Variants in AXL observed in about 807,000 individuals in gnomAD.
The protein encoded by AXL is tyrosine-protein kinase receptor UFO.
A neutral mutation model predicts 104.5 loss-of-function variants in AXL; 52 were observed. That is an observed-to-expected ratio of 0.50 (90% CI 0.40 to 0.63). The LOEUF (loss-of-function observed/expected upper bound fraction) is 0.63. Ranked by LOEUF, AXL falls within the 20% of genes least tolerant of loss-of-function variation. AXL has a pLI of 0.00. For missense variants in AXL, 1,024 were observed against 1,188.5 expected, an observed-to-expected ratio of 0.86 and a Z score of 2.04; for synonymous variants, 455 against 473.7, an observed-to-expected ratio of 0.96 and a Z score of 0.51.
At position 41,259,696 on chromosome 19, in the gene AXL, A is replaced by C. The variant is rs186884585; in HGVS notation, c.2477A>C (p.Glu826Ala). 7.4e-6 allele frequency: 12 copies of C among 1,614,094 alleles called. No homozygotes were observed. Among genetic ancestry groups the C allele is most frequent in the Admixed American group, 1.7e-5 (1 of 60,004 alleles). ...PDEILYVNMD[E>A]GGGYPEPPGA... ...GAAATCCTCTATGTCAACATGGATG[A>C]GGGTGGAGGTTATCCTGAACCCCCT... is the stretch of plus-strand genomic sequence containing the variant. The change falls in exon 20 of 20, where the codon GAG (glutamate) becomes GCG (alanine). Residue 826 changes from glutamate to alanine, a missense_variant. By Grantham distance (107) the Glu-to-Ala change is moderately radical. This residue lies in a region of AXL where 523 missense variants were observed against 636.0 expected (regional missense o/e 0.82). Coordinates refer to ENST00000301178, the MANE Select transcript of AXL (RefSeq NM_021913.5).
intron 4 of AXL, among the ~76,000 whole-genome samples, chr19:41,224,276 T>C (rs2033841727): frequency 1.3e-5 from 2 of 152,084 alleles, no homozygotes; most frequent in Non-Finnish European, 2.9e-5. Context: ...CCCACAGGTG[T>C]GCAGCTATGG....
At chr19:41,253,734 C>A (rs373717961) in intron 17 of AXL, 26 bp downstream of exon 17, 124 of 1,534,834 alleles carry the variant, frequency 8.1e-5, no homozygotes, top group Admixed American at 7.1e-4. Flanking sequence ...GGACCCCCCC[C>A]CCCCAACTGC....
intron 6 of AXL, among the ~76,000 whole-genome samples, chr19:41,236,651 C>T (rs892095659): frequency 1.3e-5 from 2 of 151,504 alleles, no homozygotes; most frequent in African/African-American, 4.9e-5. Context: ...CGTGGTGGTA[C>T]GCGTAGTCCC....
intron 17 of AXL, 27 bp downstream of exon 17, chr19:41,253,735 C>T (rs199786659): frequency 1.4e-5 from 21 of 1,529,734 alleles, no homozygotes; most frequent in South Asian, 3.5e-5. Flanking sequence ...GACCCCCCCC[C>T]CCCAACTGCT....
At chr19:41,256,129 C>A in intron 17 of AXL, among the ~76,000 whole-genome samples, 3 of 151,774 alleles carry the variant, frequency 2.0e-5, no homozygotes, top group Admixed American at 6.6e-5. Flanking sequence ...TTACTTATGA[C>A]TTGTGCACAT....
intron 4 of AXL, among the ~76,000 whole-genome samples, chr19:41,227,647 G>C (rs1281050848): frequency 4.0e-5 from 6 of 151,860 alleles, no homozygotes; most frequent in South Asian, 4.1e-4. Flanking sequence ...CACCATGCCC[G>C]GCTGATTTTT....
chr19:41,239,379 C>T, intron 9 of AXL, 65 bp downstream of exon 9: 1 of 1,526,000 alleles, frequency 6.6e-7, no homozygotes, highest in Non-Finnish European at 8.8e-7. Flanking sequence ...TGACTTACTC[C>T]TTGTACCTTT....
At chr19:41,235,885 A>G (rs1375361656) in intron 6 of AXL, among the ~76,000 whole-genome samples, 1 of 152,182 alleles carries the variant, frequency 6.6e-6, no homozygotes, top group Non-Finnish European at 1.5e-5. Flanking sequence ...GACGTGTTTT[A>G]TCTTTTTTTA....
intron 4 of AXL, chr19:41,226,829 C>A: frequency 1.0e-6 from 1 of 982,774 alleles, no homozygotes; most frequent in East Asian, 1.1e-4. Flanking sequence ...CACCGAGTGG[C>A]TCTGCCTGCG....
In AXL at chr19:41,239,301, G is replaced by A. The variant is rs764567149; in HGVS notation, c.1272G>A (p.Glu424=). ...DGPWSLPVPL[E]AWRPGQAQPV... is the part of the protein sequence containing the mutation. ...CCTGGAGCCTCCCAGTACCCCTGGA[G>A]GCCTGGCGCCCAGGTAAGTCCAAAG... The change falls in exon 9 of 20, where the codon GAG becomes GAA. Residue 424 remains glutamate, a synonymous_variant. Coordinates refer to ENST00000301178, the MANE Select transcript of AXL (RefSeq NM_021913.5). 3 of 1,581,394 alleles carry A rather than the reference G, an allele frequency of 1.9e-6. No homozygotes were observed. Among genetic ancestry groups the A allele is most frequent in the East Asian group, 4.5e-5 (2 of 44,702 alleles).
chr19:41,258,284 A>G (rs558071860), intron 19 of AXL, among the ~76,000 whole-genome samples: 1 of 152,334 alleles, frequency 6.6e-6, no homozygotes, highest in East Asian at 1.9e-4. Flanking sequence ...ACATTTTCAT[A>G]TAACTGACTA....
intron 12 of AXL, among the ~76,000 whole-genome samples, chr19:41,245,732 A>T (rs2034261293): frequency 6.6e-6 from 1 of 151,734 alleles, no homozygotes; most frequent in East Asian, 1.9e-4. Context: ...AAAAAAAAAA[A>T]AGGAATCTCA....
At chr19:41,221,293 G>T in intron 3 of AXL, 47 bp downstream of exon 3, 1 of 1,548,482 alleles carries the variant, frequency 6.5e-7, no homozygotes, top group Non-Finnish European at 8.8e-7. Flanking sequence ...GACATGTGGC[G>T]CTCATAGGTT....
At position 41,260,601 on chromosome 19, in the gene AXL, TGCAC is replaced by T. The variant is rs2122302375; in HGVS notation, c.*698_*701del. On this transcript the variant is annotated 3_prime_UTR_variant, in exon 20 of 20. Coordinates refer to ENST00000301178, the MANE Select transcript of AXL (RefSeq NM_021913.5). ...TGCTGAGATTACAGGCATGAGCCAC[TGCAC>T]TCAACCTTAAGACCTACTGTTCTAA... 6.6e-6 allele frequency: 1 copy of T among 152,312 alleles called. No individual in the cohort carries two copies. Among genetic ancestry groups the T allele is most frequent in the African/African-American group, 2.4e-5 (1 of 41,570 alleles). 9.4% of individuals were successfully genotyped at this position (152,312 alleles called of 1,614,324 possible). A position where few individuals can be genotyped will look rare whatever the true frequency, so the allele number is the denominator to read the frequency against.
intron 14 of AXL, 99 bp from the exon 15 acceptor site, chr19:41,252,252 A>T (rs2034376405): frequency 1.0e-6 from 1 of 1,000,130 alleles, no homozygotes; most frequent in South Asian, 1.4e-5. Context: ...TTTGATGAAG[A>T]TGAGTGATGA....
intron 4 of AXL, among the ~76,000 whole-genome samples, chr19:41,225,972 T>C (rs957170234): frequency 1.3e-5 from 2 of 151,924 alleles, no homozygotes; most frequent in South Asian, 2.1e-4. Flanking sequence ...AGAGCAGGGG[T>C]TGTGGGGGGA....
rs1461256719 is a variant in AXL, at chr19:41,260,882, A to T, written c.*978A>T. On this transcript the variant is annotated 3_prime_UTR_variant, in exon 20 of 20. Coordinates refer to ENST00000301178, the MANE Select transcript of AXL (RefSeq NM_021913.5). ...ATGTTCTAAGGCTCTGAGAGTCTAGATTCTCTGGCTGTAAGGCTCTAGATC... is the reference window on the plus strand; with the variant it reads ...ATGTTCTAAGGCTCTGAGAGTCTAGTTTCTCTGGCTGTAAGGCTCTAGATC... 2 of 152,162 alleles carry T rather than the reference A, an allele frequency of 1.3e-5. No homozygotes were observed. Among genetic ancestry groups the T allele is most frequent in the African/African-American group, 4.8e-5 (2 of 41,432 alleles). The allele number at this position is 152,162 out of a possible 1,614,324, so 9.4% of individuals were successfully genotyped here. A position where few individuals can be genotyped will look rare whatever the true frequency, so the allele number is the denominator to read the frequency against.
intron 6 of AXL, among the ~76,000 whole-genome samples, chr19:41,236,654 G>A (rs796311708): frequency 5.3e-5 from 8 of 151,968 alleles, no homozygotes; most frequent in African/African-American, 1.7e-4. Flanking sequence ...GGTGGTACGC[G>A]TAGTCCCAGC....
rs571765953 is a variant in AXL at position 41,245,866 on chromosome 19, T to C, written c.1537+2159T>C. On this transcript the variant is annotated intron_variant, in intron 12 of 19. Transcript: ENST00000301178. ...TTTGGAAAGGGCTGGGAAAGACATT[T>C]ATTTAAGAAGAGAAGGAAGAAGCAA... is the stretch of plus-strand genomic sequence containing the variant. 2.7e-4 allele frequency among the ~76,000 whole-genome samples: 41 copies of C among 152,228 alleles called. 1 individual carries two copies. Among genetic ancestry groups the C allele is most frequent in the African/African-American group, 9.6e-4 (40 of 41,540 alleles).
Sources: allele counts gnomAD v4.1 joint callset (sites outside exome capture counted in the v4.1 genomes callset), GRCh38; gene constraint gnomAD v4.1.1; regional missense constraint gnomAD v4.1.1; transcripts MANE v1.5; gene names NCBI Gene and HGNC (gene_info 2026-07-23, HGNC 2026-07-21).